PLCB4: variants seen among roughly 807,000 people sequenced by gnomAD.
PLCB4 encodes the protein 1-phosphatidylinositol 4,5-bisphosphate phosphodiesterase beta-4.
In PLCB4, 77 loss-of-function variants were observed where a neutral mutation model predicts 178.8. That is an observed-to-expected ratio of 0.43 (90% CI 0.36 to 0.52). PLCB4 has a LOEUF of 0.52. Among genes scored for constraint, PLCB4 ranks in the 20% least tolerant of loss-of-function variants. The probability of loss-of-function intolerance (pLI) is 0.00; values close to 1 mark genes in which losing one functional copy is unlikely to be tolerated. For synonymous variants in PLCB4, 496 were observed against 490.8 expected, an observed-to-expected ratio of 1.01 and a Z score of -0.14; for missense variants, 1,024 against 1,453.4, an observed-to-expected ratio of 0.70 and a Z score of 4.80.
At chr20:9,407,436 C>G (rs1411074992) in intron 21 of PLCB4, among the ~76,000 whole-genome samples, 2 of 149,220 alleles carry the variant, frequency 1.3e-5, no homozygotes, top group Non-Finnish European at 3.0e-5. Flanking sequence ...GTGGCACAAT[C>G]TCAGCTCACC....
At chr20:9,102,033 C>T (rs2091176287) in intron 2 of PLCB4, among the ~76,000 whole-genome samples, 1 of 151,940 alleles carries the variant, frequency 6.6e-6, no homozygotes, top group Admixed American at 6.6e-5. Context: ...TTAGTAGAGA[C>T]AGGGTTTCAC....
intron 3 of PLCB4, among the ~76,000 whole-genome samples, chr20:9,232,709 T>A (rs982745441): frequency 1.3e-5 from 2 of 152,150 alleles, no homozygotes; most frequent in Non-Finnish European, 2.9e-5. Context: ...ATAGATCATA[T>A]GTTTATGTCA....
intron 3 of PLCB4, among the ~76,000 whole-genome samples, chr20:9,301,411 G>C (rs1324987073): frequency 6.6e-6 from 1 of 151,878 alleles, no homozygotes. Context: ...ACCTAAACTG[G>C]TCTAGGTTGG....
chr20:9,378,478 G>A (rs2036862623), intron 12 of PLCB4, among the ~76,000 whole-genome samples: 1 of 152,066 alleles, frequency 6.6e-6, no homozygotes, highest in Admixed American at 6.6e-5. Flanking sequence ...GAAAGACGGA[G>A]CTCCTTGTTT....
At chr20:9,206,998 C>T (rs1190617284) in intron 2 of PLCB4, among the ~76,000 whole-genome samples, 1 of 152,112 alleles carries the variant, frequency 6.6e-6, no homozygotes, top group East Asian at 1.9e-4. Flanking sequence ...TGCCTGTAGT[C>T]CCAGCTACTC....
chr20:9,421,240 T>C, intron 26 of PLCB4, 57 bp from the exon 27 acceptor site: 1 of 1,322,456 alleles, frequency 7.6e-7, no homozygotes, highest in South Asian at 1.5e-5. Context: ...GATTATTTTT[T>C]GCTACTGATG....
intron 2 of PLCB4, among the ~76,000 whole-genome samples, chr20:9,148,847 C>A (rs1299208243): frequency 1.3e-5 from 2 of 152,196 alleles, no homozygotes; most frequent in East Asian, 3.8e-4. Flanking sequence ...ATAATTGAAA[C>A]TTCCAGCCTC....
At chr20:9,322,061 C>T (rs1182462723) in intron 4 of PLCB4, among the ~76,000 whole-genome samples, 1 of 151,388 alleles carries the variant, frequency 6.6e-6, no homozygotes, top group Admixed American at 6.6e-5. Flanking sequence ...AATTCTCCTG[C>T]CTCAGCCTCC....
At chr20:9,216,336 G>A (rs2093731541) in intron 2 of PLCB4, among the ~76,000 whole-genome samples, 2 of 152,160 alleles carry the variant, frequency 1.3e-5, no homozygotes, top group Admixed American at 1.3e-4. Flanking sequence ...TCCTGCCTCA[G>A]CCTCCCGAGT....
intron 2 of PLCB4, among the ~76,000 whole-genome samples, chr20:9,149,728 C>A (rs1385878687): frequency 6.6e-6 from 1 of 151,420 alleles, no homozygotes; most frequent in African/African-American, 2.5e-5. Context: ...ACTTTTTAAT[C>A]TAAAAAAATG....
chr20:9,373,101 T>C lies in PLCB4; in HGVS notation c.741T>C (p.Asn247=). 6.7e-7 allele frequency: 1 copy of C among 1,491,076 alleles called. No homozygotes were observed. Among genetic ancestry groups the C allele is most frequent in the Non-Finnish European group, 9.3e-7 (1 of 1,070,734 alleles). 92.4% of individuals were successfully genotyped at this position (1,491,076 alleles called of 1,614,324 possible). A position where few individuals can be genotyped will look rare whatever the true frequency, so the allele number is the denominator to read the frequency against. ...LTVDQLVSFL[N]EHQRDPRLNE... Reference sequence around the variant, plus strand: ...TAGACCAATTAGTGAGCTTTCTAAATGAAGTAAGCTTTTTCATACATTAAC... The same window carrying C: ...TAGACCAATTAGTGAGCTTTCTAAACGAAGTAAGCTTTTTCATACATTAAC... Residue 247 remains asparagine (N), a synonymous_variant, in exon 12 of 40, where the codon AAT becomes AAC. Transcript: ENST00000378473.
At chr20:9,323,942 T>C (rs1482561387) in intron 4 of PLCB4, among the ~76,000 whole-genome samples, 2 of 152,314 alleles carry the variant, frequency 1.3e-5, no homozygotes, top group East Asian at 1.9e-4. Flanking sequence ...GTGTTTGTTC[T>C]GAGGTCTGGT....
intron 2 of PLCB4, among the ~76,000 whole-genome samples, chr20:9,128,274 G>GC (rs2092179942): frequency 6.6e-6 from 1 of 152,088 alleles, no homozygotes; most frequent in Admixed American, 6.6e-5. Flanking sequence ...ACTTCCCGAG[G>GC]CCCTTACCAG....
chr20:9,213,088 C>A (rs2093689625), intron 2 of PLCB4, among the ~76,000 whole-genome samples: 1 of 147,732 alleles, frequency 6.8e-6, no homozygotes, highest in Admixed American at 6.8e-5. Flanking sequence ...GGGAACATAC[C>A]ATATGTGGTC....
At chr20:9,240,884 T>C (rs1053038930) in intron 3 of PLCB4, among the ~76,000 whole-genome samples, 1 of 152,146 alleles carries the variant, frequency 6.6e-6, no homozygotes, top group African/African-American at 2.4e-5. Flanking sequence ...AGGTAAACCG[T>C]TGTCTGCTCT....
rs576346447 is a variant in PLCB4 at position 9,305,834 on chromosome 20, G to A, written c.-15-1966G>A. On this transcript the variant is annotated intron_variant, in intron 3 of 39. Transcript: ENST00000378473. ...ATTGTCTTACTGCATTTAGTGTTGT[G>A]GATGATGTACCTGATATCAGTCTCA... Among the ~76,000 whole-genome samples, 19 of 152,226 alleles carry A rather than the reference G, an allele frequency of 1.2e-4. 1 individual carries two copies. In the South Asian group the frequency reaches 3.7e-3, roughly 30 times the overall value.
intron 20 of PLCB4, among the ~76,000 whole-genome samples, chr20:9,402,078 T>G (rs1418635300): frequency 6.6e-6 from 1 of 152,226 alleles, no homozygotes; most frequent in Non-Finnish European, 1.5e-5. Context: ...TCAGGCATAG[T>G]CTAGGCCATA....
In PLCB4 at chr20:9,077,665, A is replaced by C. The variant is rs149171370; in HGVS notation, c.-135+8459A>C. Among the ~76,000 whole-genome samples the C allele has an allele frequency of 3.9e-3, 590 of 152,328 alleles. 5 individuals carry two copies. Among genetic ancestry groups the C allele is most frequent in the African/African-American group, 0.012 (491 of 41,568 alleles). ...AGAGTTGAAAATCTATTTTCTGATCAATTTGGTGAGCTGTGAAACTCTAGA... is the reference window on the plus strand; with the variant it reads ...AGAGTTGAAAATCTATTTTCTGATCCATTTGGTGAGCTGTGAAACTCTAGA... On this transcript the variant is annotated intron_variant, in intron 1 of 39. Coordinates refer to ENST00000378473, the MANE Select transcript of PLCB4 (RefSeq NM_001377142.1).
chr20:9,118,304 T>A (rs1477579993), intron 2 of PLCB4, among the ~76,000 whole-genome samples: 8 of 135,118 alleles, frequency 5.9e-5, no homozygotes, highest in Non-Finnish European at 9.4e-5. Context: ...AGTATAATAA[T>A]AAAAAAAAAA....
Sources: gnomAD v4.1 joint callset for allele counts (sites outside exome capture counted in the v4.1 genomes callset) on GRCh38, gnomAD v4.1.1 for gene constraint, MANE v1.5 for transcripts, NCBI Gene and HGNC (gene_info 2026-07-23, HGNC 2026-07-21) for gene names.